DDO: variants seen among roughly 807,000 people sequenced by gnomAD.
The protein encoded by DDO is D-aspartate oxidase, also known as D-aspartate oxidase, DDO.
Under a neutral mutation model 16.8 loss-of-function variants are expected in DDO, and 16 were observed. That is an observed-to-expected ratio of 0.95 (90% CI 0.65 to 1.45). The LOEUF (loss-of-function observed/expected upper bound fraction) is 1.45, where lower values mean the gene tolerates loss of function less well. Among genes scored for constraint, DDO ranks in the 40% most tolerant of loss-of-function variants. The pLI is 0.00. For missense variants in DDO, 429 were observed against 420.3 expected (o/e 1.02, Z -0.18); for synonymous variants, 180 against 167.2 (o/e 1.08, Z -0.59).
At position 110,404,853 on chromosome 6, in the gene DDO, A is replaced by T. The variant is rs760728925; in HGVS notation, c.379T>A (p.Phe127Ile). The change falls in exon 4 of 5, where the codon TTC (phenylalanine) becomes ATC (isoleucine). Residue 127 changes from phenylalanine (F) to isoleucine (I), a missense_variant. Physicochemically the swap from Phe to Ile is conservative, Grantham distance 21. Coordinates refer to ENST00000368924, the MANE Select transcript of DDO (RefSeq NM_001372108.2). ...GCCTGACCAAACACATACTGGGGGA[A>T]TTTCTTCAGCTCAGCCTCAGTCATC... ...RKMTEAELKKFPQYVFGQAFT... is the reference protein window; with the variant it reads ...RKMTEAELKKIPQYVFGQAFT... 3 of 1,614,180 alleles carry T rather than the reference A, an allele frequency of 1.9e-6. No individual in the cohort carries two copies. The highest frequency in any genetic ancestry group is 1.7e-5 in the Admixed American group (1 of 60,022).
intron 1 of DDO, among the ~76,000 whole-genome samples, chr6:110,413,831 C>T (rs889295507): frequency 6.6e-5 from 10 of 152,168 alleles, no homozygotes; most frequent in South Asian, 2.1e-4. Context: ...TGGAGTACAG[C>T]GACGAGATCT....
downstream of DDO, among the ~76,000 whole-genome samples, chr6:110,390,972 T>C (rs1015572492): frequency 2.0e-5 from 3 of 152,228 alleles, no homozygotes; most frequent in African/African-American, 7.2e-5. Context: ...CTTTCATTTC[T>C]AGTCATTTCT....
At chr6:110,409,038 G>A (rs1773759025) in intron 2 of DDO, among the ~76,000 whole-genome samples, 3 of 152,182 alleles carry the variant, frequency 2.0e-5, no homozygotes, top group Admixed American at 2.0e-4. Flanking sequence ...TTCCCAGCAG[G>A]GGCTGCCATT....
chr6:110,398,383 T>TACACAC (rs372325600), intron 4 of DDO, among the ~76,000 whole-genome samples: 106 of 110,272 alleles, frequency 9.6e-4, no homozygotes, highest in Non-Finnish European at 1.4e-3. Flanking sequence ...CTTAAATGCG[T>TACACAC]ACACACACAC....
rs541720630 is a variant in DDO at position 110,402,393 on chromosome 6, G to A, written c.458+2381C>T. Among the ~76,000 whole-genome samples, 519 of 152,258 alleles carry A rather than the reference G, an allele frequency of 3.4e-3. 1 individual carries two copies. Among genetic ancestry groups the A allele is most frequent in the Non-Finnish European group, 5.7e-3 (390 of 68,016 alleles). On this transcript the variant is annotated intron_variant, in intron 4 of 4. Transcript: ENST00000368924. ...AATATTTAAACATGGGGCCAGGCAC[G>A]GTGGCTCATGTCTGTAATCCCAGCA...
At chr6:110,394,396 C>T (rs952358019) in intron 4 of DDO, among the ~76,000 whole-genome samples, 2 of 152,166 alleles carry the variant, frequency 1.3e-5, no homozygotes, top group Admixed American at 6.5e-5. Context: ...CATGAGCCAC[C>T]GTGCCTGGCC....
intron 4 of DDO, among the ~76,000 whole-genome samples, chr6:110,398,428 T>C (rs9372254): frequency 0.47 from 65,478 of 139,202 alleles, 14,514 homozygotes; most frequent in African/African-American, 0.54. Flanking sequence ...ACACACACAC[T>C]TGGCCTCCCA....
rs758805419 is a variant in DDO, at chr6:110,392,889, A to G, written c.912T>C (p.Tyr304=). 5 of 1,614,084 alleles carry G rather than the reference A, an allele frequency of 3.1e-6. No individual in the cohort carries two copies. Among genetic ancestry groups the G allele is most frequent in the African/African-American group, 2.7e-5 (2 of 74,936 alleles). The change falls in exon 5 of 5, where the codon TAT becomes TAC. Residue 304 remains tyrosine (Y), a synonymous_variant. Transcript: ENST00000368924. ...DGQRLPVVHH[Y]GHGSGGISVH... The stretch of plus-strand genomic sequence containing the variant: ...CTGAGATGCCCCCACTCCCATGGCC[A>G]TAGTGGTGGACTACAGGCAGCCTCT...
At chr6:110,412,955 G>A (rs909321023) in intron 2 of DDO, among the ~76,000 whole-genome samples, 1 of 152,046 alleles carries the variant, frequency 6.6e-6, no homozygotes, top group Non-Finnish European at 1.5e-5. Context: ...ACCAGCCTGG[G>A]CAACAAGACA....
intron 2 of DDO, among the ~76,000 whole-genome samples, chr6:110,409,578 C>T (rs946843331): frequency 3.9e-5 from 6 of 152,220 alleles, no homozygotes; most frequent in Non-Finnish European, 5.9e-5. Context: ...TCAGACAATT[C>T]GCTTGTTATA....
intron 4 of DDO, among the ~76,000 whole-genome samples, chr6:110,394,095 C>T (rs1036932194): frequency 6.6e-6 from 1 of 150,914 alleles, no homozygotes; most frequent in African/African-American, 2.4e-5. Flanking sequence ...TATGCACTAT[C>T]CATCTTCAGA....
Position 110,415,568 on chromosome 6 carries a change from G to A in DDO, c.-106C>T, listed in dbSNP as rs759587628. Reference sequence around the variant, plus strand: ...TCATGCCCTGAGAGACAGAGAGAAAGCGAAACTGATTCCCATTGGTGACTT... The same window carrying A: ...TCATGCCCTGAGAGACAGAGAGAAAACGAAACTGATTCCCATTGGTGACTT... On this transcript the variant is annotated 5_prime_UTR_variant, in exon 1 of 5. Transcript: ENST00000368924. 1 of 1,613,302 alleles carries A rather than the reference G, an allele frequency of 6.2e-7. No homozygotes were observed. The highest frequency in any genetic ancestry group is 8.5e-7 in the Non-Finnish European group (1 of 1,179,768).
At chr6:110,398,910 C>A (rs577497012) in intron 4 of DDO, among the ~76,000 whole-genome samples, 11 of 152,192 alleles carry the variant, frequency 7.2e-5, no homozygotes, top group Non-Finnish European at 1.3e-4. Context: ...ATCAACGTGT[C>A]CATGTTACAG....
intron 2 of DDO, among the ~76,000 whole-genome samples, chr6:110,410,797 C>A (rs1043009658): frequency 6.6e-6 from 1 of 152,122 alleles, no homozygotes; most frequent in African/African-American, 2.4e-5. Context: ...GGTGGGGATA[C>A]AGCCAAACTA....
Position 110,392,511 on chromosome 6 carries a change from T to C in DDO, c.*264A>G, listed in dbSNP as rs982460171. ...ATCATTTCTTTTGTTGTTGGTGTTT[T>C]TTTTAGAGGTGGGAACTGGCACCTC... is the stretch of plus-strand genomic sequence containing the variant. On this transcript the variant is annotated 3_prime_UTR_variant, in exon 5 of 5. Coordinates refer to ENST00000368924, the MANE Select transcript of DDO (RefSeq NM_001372108.2). 14 of 1,160,948 alleles carry C rather than the reference T, an allele frequency of 1.2e-5. No individual in the cohort carries two copies. The Admixed American group carries it at 1.8e-4, about 15-fold the overall frequency. 71.9% of individuals were successfully genotyped at this position (1,160,948 alleles called of 1,614,324 possible).
downstream of DDO, among the ~76,000 whole-genome samples, chr6:110,389,934 C>T (rs1773072651): frequency 1.3e-5 from 2 of 152,180 alleles, no homozygotes; most frequent in South Asian, 4.2e-4. Context: ...AGCTTGTGGG[C>T]CAGAGTTCTA....
downstream of DDO, among the ~76,000 whole-genome samples, chr6:110,388,496 A>G (rs1018173287): frequency 2.0e-5 from 3 of 152,204 alleles, no homozygotes; most frequent in African/African-American, 4.8e-5. Context: ...ATTTGAATGC[A>G]TTATTCAATA....
chr6:110,410,269 C>T (rs1306855019), intron 2 of DDO, among the ~76,000 whole-genome samples: 15 of 152,188 alleles, frequency 9.9e-5, no homozygotes, highest in Admixed American at 9.2e-4. Context: ...GCCTCGATGG[C>T]CCTATGAGCC....
At chr6:110,409,408 C>T (rs1773773926) in intron 2 of DDO, among the ~76,000 whole-genome samples, 1 of 152,094 alleles carries the variant, frequency 6.6e-6, no homozygotes, top group African/African-American at 2.4e-5. Flanking sequence ...TGAGGGAAGC[C>T]ACAGAGGAGA....
Sources: gnomAD v4.1 joint callset for allele counts (sites outside exome capture counted in the v4.1 genomes callset) on GRCh38, gnomAD v4.1.1 for gene constraint, MANE v1.5 for transcripts, NCBI Gene and HGNC (gene_info 2026-07-23, HGNC 2026-07-21) for gene names.